The following RBFOX1 variants were observed in gnomAD, a reference collection of about 807,000 sequenced individuals.
The protein encoded by RBFOX1 is RNA binding protein fox-1 homolog 1.
Under a neutral mutation model 57.7 loss-of-function variants are expected in RBFOX1, and 8 were observed. That is an observed-to-expected ratio of 0.14 (90% CI 0.08 to 0.25). The LOEUF (loss-of-function observed/expected upper bound fraction) is 0.25, where lower values mean the gene tolerates loss of function less well. RBFOX1 is among the 10% of genes least tolerant of loss of function. The pLI is 1.00. For synonymous variants in RBFOX1, 326 were observed against 222.4 expected (o/e 1.47, Z -4.15); for missense variants, 611 against 548.5 (o/e 1.11, Z -1.14).
At chr16:6,459,724 C>T (rs1046040459) in intron 2 of RBFOX1, among the ~76,000 whole-genome samples, 2 of 151,994 alleles carry the variant, frequency 1.3e-5, no homozygotes, top group African/African-American at 2.4e-5. Flanking sequence ...TGACTGTAAT[C>T]CCAGCACTTT....
intron 1 of RBFOX1, among the ~76,000 whole-genome samples, chr16:6,032,422 C>T (rs1188815463): frequency 1.3e-5 from 2 of 152,118 alleles, no homozygotes; most frequent in Non-Finnish European, 1.5e-5. Flanking sequence ...CTCCAGATTG[C>T]TTCACTGAAA....
chr16:6,267,572 G>T (rs1212950955), intron 1 of RBFOX1, among the ~76,000 whole-genome samples: 2 of 152,150 alleles, frequency 1.3e-5, no homozygotes, highest in Non-Finnish European at 2.9e-5. Flanking sequence ...TTATCTGACA[G>T]ATTTCTTTTT....
chr16:7,703,194 C>G (rs1334160550), intron 14 of RBFOX1, among the ~76,000 whole-genome samples: 2 of 152,178 alleles, frequency 1.3e-5, no homozygotes, highest in Non-Finnish European at 2.9e-5. Context: ...TAAGACTATG[C>G]CTTAGATATA....
chr16:5,334,690 G>A (rs550077106), intron 1 of RBFOX1, among the ~76,000 whole-genome samples: 13 of 151,900 alleles, frequency 8.6e-5, no homozygotes, highest in East Asian at 3.9e-4. Context: ...AATACAAAAC[G>A]ATTGTTCTCT....
At chr16:7,536,201 G>T (rs1327357786) in intron 5 of RBFOX1, among the ~76,000 whole-genome samples, 1 of 152,222 alleles carries the variant, frequency 6.6e-6, no homozygotes, top group Non-Finnish European at 1.5e-5. Flanking sequence ...AAAAACTTCT[G>T]TGAAGGAAAG....
chr16:5,363,596 C>T (rs998412994), intron 1 of RBFOX1, among the ~76,000 whole-genome samples: 1 of 152,180 alleles, frequency 6.6e-6, no homozygotes. Context: ...CTCAGTTGAC[C>T]TGACTTTTCC....
At chr16:5,386,102 C>A in intron 1 of RBFOX1, among the ~76,000 whole-genome samples, 1 of 119,002 alleles carries the variant, frequency 8.4e-6, no homozygotes, top group Non-Finnish European at 1.8e-5. Context: ...GGAAAGTTTG[C>A]AACTTTTTTT....
chr16:7,657,726 A>C (rs2066674797), intron 12 of RBFOX1, among the ~76,000 whole-genome samples: 1 of 152,196 alleles, frequency 6.6e-6, no homozygotes. Flanking sequence ...CACATGCCTA[A>C]ATAGAAACCT....
At chr16:7,336,214 A>T (rs1192415339) in intron 4 of RBFOX1, among the ~76,000 whole-genome samples, 1 of 152,198 alleles carries the variant, frequency 6.6e-6, no homozygotes, top group Non-Finnish European at 1.5e-5. Context: ...GCCATGGACC[A>T]TGGCCAAATG....
intron 11 of RBFOX1, among the ~76,000 whole-genome samples, chr16:7,640,555 C>T (rs2062603708): frequency 6.6e-6 from 1 of 152,288 alleles, no homozygotes; most frequent in African/African-American, 2.4e-5. Flanking sequence ...GATATTAAAA[C>T]AATAAACTAT....
intron 4 of RBFOX1, among the ~76,000 whole-genome samples, chr16:5,897,297 A>C (rs2058192103): frequency 6.7e-6 from 1 of 150,312 alleles, no homozygotes; most frequent in Admixed American, 6.6e-5. Flanking sequence ...GGCCTCCCAA[A>C]GTGCTGGGAT....
At chr16:7,571,221 A>C (rs140561666) in intron 5 of RBFOX1, among the ~76,000 whole-genome samples, 267 of 151,824 alleles carry the variant, frequency 1.8e-3, no homozygotes, top group African/African-American at 6.3e-3. Flanking sequence ...AAGAAAAAAA[A>C]ATCCTTCCCT....
intron 2 of RBFOX1, among the ~76,000 whole-genome samples, chr16:5,562,995 G>A (rs915967355): frequency 6.6e-6 from 1 of 152,264 alleles, no homozygotes; most frequent in African/African-American, 2.4e-5. Flanking sequence ...TGTCACCCAG[G>A]CTGGAGTGCA....
At chr16:5,473,675 G>T (rs1211130982) in intron 2 of RBFOX1, among the ~76,000 whole-genome samples, 5 of 121,534 alleles carry the variant, frequency 4.1e-5, no homozygotes, top group Non-Finnish European at 6.9e-5. Context: ...GGAAGGATGG[G>T]TGGGTAGATG....
chr16:6,738,724 C>G (rs778450510), intron 3 of RBFOX1, among the ~76,000 whole-genome samples: 8 of 152,088 alleles, frequency 5.3e-5, no homozygotes, highest in Non-Finnish European at 4.4e-5. Context: ...CCTTGAGAGA[C>G]CATGTCCTAG....
chr16:7,151,052 C>T (rs1479592832), intron 4 of RBFOX1, among the ~76,000 whole-genome samples: 1 of 152,174 alleles, frequency 6.6e-6, no homozygotes, highest in Non-Finnish European at 1.5e-5. Flanking sequence ...CACAGAAGTT[C>T]TCTCCCTCAA....
chr16:7,619,715 C>A (rs1331733898), intron 10 of RBFOX1, among the ~76,000 whole-genome samples: 1 of 152,182 alleles, frequency 6.6e-6, no homozygotes, highest in Admixed American at 6.5e-5. Flanking sequence ...CTTCTAGGTT[C>A]TTTGCACAGA....
chr16:6,699,493 G>A (rs2061516059), intron 3 of RBFOX1, among the ~76,000 whole-genome samples: 1 of 152,140 alleles, frequency 6.6e-6, no homozygotes, highest in South Asian at 2.1e-4. Context: ...GTTAATTTCA[G>A]CACATTATAT....
chr16:7,237,499 A>G (rs2093828285), intron 4 of RBFOX1, among the ~76,000 whole-genome samples: 1 of 152,262 alleles, frequency 6.6e-6, no homozygotes, highest in South Asian at 2.1e-4. Flanking sequence ...TACATATCTC[A>G]TTAGCCTGAA....
Sources: allele counts gnomAD v4.1 joint callset (sites outside exome capture counted in the v4.1 genomes callset), GRCh38; gene constraint gnomAD v4.1.1; transcripts MANE v1.5; gene names NCBI Gene and HGNC (gene_info 2026-07-23, HGNC 2026-07-21).